APP: variants seen among roughly 807,000 people sequenced by gnomAD.
APP encodes amyloid-beta precursor protein.
In APP, 31 loss-of-function variants were observed where a neutral mutation model predicts 101.4. The observed-to-expected ratio is 0.31, with a 90% CI of 0.23 to 0.41. APP has a LOEUF of 0.41. APP is among the 10% of genes least tolerant of loss of function. The pLI, the probability that APP is intolerant of heterozygous loss-of-function variation, is 1.00. For missense variants in APP, 839 were observed against 1,003.7 expected (o/e 0.84, Z 2.22); for synonymous variants, 366 against 364.4 (o/e 1.00, Z -0.05).
At chr21:25,886,034 C>T (rs934906136) in intron 17 of APP, among the ~76,000 whole-genome samples, 2 of 151,988 alleles carry the variant, frequency 1.3e-5, no homozygotes, top group Non-Finnish European at 1.5e-5. Context: ...AATAGATGTC[C>T]TTTTATACAA....
intron 11 of APP, among the ~76,000 whole-genome samples, chr21:25,957,368 A>G (rs192085622): frequency 2.1e-3 from 320 of 152,316 alleles, no homozygotes; most frequent in African/African-American, 7.4e-3. Context: ...TTAAAAAAAA[A>G]GAACATTTGA....
chr21:26,165,264 A>T (rs2063582520), intron 1 of APP, among the ~76,000 whole-genome samples: 1 of 152,236 alleles, frequency 6.6e-6, no homozygotes, highest in Non-Finnish European at 1.5e-5. Flanking sequence ...TCATCACCAT[A>T]CATAGCAGCA....
At chr21:26,118,080 C>A (rs768209642) in intron 1 of APP, among the ~76,000 whole-genome samples, 3 of 152,112 alleles carry the variant, frequency 2.0e-5, no homozygotes, top group Non-Finnish European at 2.9e-5. Flanking sequence ...TTTTACTACT[C>A]AAAGGATAGA....
At chr21:26,147,981 T>C (rs1221964701) in intron 1 of APP, among the ~76,000 whole-genome samples, 1 of 152,088 alleles carries the variant, frequency 6.6e-6, no homozygotes, top group African/African-American at 2.4e-5. Flanking sequence ...CTCCCGAATC[T>C]AAGGTCCAAA....
At chr21:26,150,386 T>C (rs1015742197) in intron 1 of APP, among the ~76,000 whole-genome samples, 2 of 152,096 alleles carry the variant, frequency 1.3e-5, no homozygotes, top group Non-Finnish European at 2.9e-5. Context: ...AGCAAAATTT[T>C]TATAAAAAGG....
chr21:26,007,625 T>C (rs1186605029), intron 6 of APP, among the ~76,000 whole-genome samples: 1 of 151,828 alleles, frequency 6.6e-6, no homozygotes, highest in African/African-American at 2.4e-5. Flanking sequence ...GTGGTGACAT[T>C]TCATGAGCCT....
At chr21:26,138,729 C>T (rs542779940) in intron 1 of APP, among the ~76,000 whole-genome samples, 6 of 148,578 alleles carry the variant, frequency 4.0e-5, no homozygotes, top group Non-Finnish European at 7.5e-5. Context: ...CAAAACAAAA[C>T]AAAATCCTCC....
chr21:25,911,414 C>A (rs2039062974), intron 14 of APP, among the ~76,000 whole-genome samples: 1 of 152,150 alleles, frequency 6.6e-6, no homozygotes, highest in East Asian at 1.9e-4. Flanking sequence ...ACAAGAGGCC[C>A]TTTACCTGCA....
intron 17 of APP, among the ~76,000 whole-genome samples, chr21:25,886,095 C>T (rs964911303): frequency 5.3e-5 from 8 of 150,922 alleles, no homozygotes; most frequent in Admixed American, 2.0e-4. Context: ...ATGGACCAGA[C>T]GAGTAAAGGA....
At chr21:26,016,718 C>T (rs2044081244) in intron 6 of APP, among the ~76,000 whole-genome samples, 1 of 152,192 alleles carries the variant, frequency 6.6e-6, no homozygotes, top group Admixed American at 6.5e-5. Flanking sequence ...ATTACAGGCG[C>T]ATGCCACCAC....
intron 8 of APP, among the ~76,000 whole-genome samples, 170 bp from the exon 9 acceptor site, chr21:25,982,647 GCAGCA>G (rs2042478919): frequency 6.6e-6 from 1 of 152,176 alleles, no homozygotes; most frequent in Admixed American, 6.5e-5. Flanking sequence ...GAGACACTGT[GCAGCA>G]CAGTAAGGAT....
At chr21:25,980,375 A>T (rs370891936) in intron 9 of APP, among the ~76,000 whole-genome samples, 12 of 152,328 alleles carry the variant, frequency 7.9e-5, no homozygotes, top group African/African-American at 9.6e-5. Flanking sequence ...AATTCAAATG[A>T]GGACATTTCA....
intron 1 of APP, among the ~76,000 whole-genome samples, chr21:26,134,176 A>G (rs1437978335): frequency 6.6e-6 from 1 of 152,138 alleles, no homozygotes; most frequent in East Asian, 1.9e-4. Flanking sequence ...AGGTCTCCCT[A>G]TGTTGCCCAG....
At chr21:26,012,890 G>A (rs763211266) in intron 6 of APP, among the ~76,000 whole-genome samples, 10 of 152,174 alleles carry the variant, frequency 6.6e-5, no homozygotes, top group Non-Finnish European at 1.3e-4. Context: ...GGAGAATTGA[G>A]AATTGCTTGA....
intron 4 of APP, 71 bp downstream of exon 4, chr21:26,053,165 C>A: frequency 8.9e-7 from 1 of 1,119,308 alleles, no homozygotes; most frequent in South Asian, 1.2e-5. Context: ...TCAAAATACC[C>A]CTAAAATGCC....
intron 1 of APP, among the ~76,000 whole-genome samples, chr21:26,145,124 A>C (rs2063127843): frequency 6.6e-6 from 1 of 152,192 alleles, no homozygotes; most frequent in African/African-American, 2.4e-5. Context: ...TGCCTGTGGG[A>C]TGAAGTCTCT....
At chr21:26,167,954 G>C (rs1044585322) in intron 1 of APP, among the ~76,000 whole-genome samples, 1 of 151,936 alleles carries the variant, frequency 6.6e-6, no homozygotes, top group African/African-American at 2.4e-5. Context: ...TCTGTGTGTC[G>C]GCTTCTACCT....
chr21:25,949,566 AGCATCT>A (rs1303499787), intron 13 of APP, among the ~76,000 whole-genome samples: 1 of 152,152 alleles, frequency 6.6e-6, no homozygotes. Flanking sequence ...CAAGTTAAGG[AGCATCT>A]GCCTTTTTAT....
intron 1 of APP, among the ~76,000 whole-genome samples, chr21:26,150,355 G>A (rs1447449498): frequency 1.3e-5 from 2 of 152,114 alleles, no homozygotes; most frequent in Admixed American, 1.3e-4. Context: ...GATGGAGAGG[G>A]GAAGGAGGAT....
Sources: allele counts gnomAD v4.1 joint callset (sites outside exome capture counted in the v4.1 genomes callset), GRCh38; gene constraint gnomAD v4.1.1; transcripts MANE v1.5; gene names NCBI Gene and HGNC (gene_info 2026-07-23, HGNC 2026-07-21).